Variants in OLA1 observed in about 807,000 individuals in gnomAD.
OLA1 encodes the protein Obg like ATPase 1, also known as obg-like ATPase 1.
A neutral mutation model predicts 48.4 loss-of-function variants in OLA1; 14 were observed. The observed-to-expected ratio is 0.29, with a 90% CI of 0.19 to 0.45. The LOEUF is 0.45. OLA1 is among the 20% of genes least tolerant of loss of function. OLA1 has a pLI of 1.00. For synonymous variants in OLA1, 127 were observed against 150.4 expected (o/e 0.84, Z 1.14); for missense variants, 325 against 467.1 (o/e 0.70, Z 2.80).
intron 2 of OLA1, among the ~76,000 whole-genome samples, chr2:174,238,494 CA>C (rs34395720): frequency 0.57 from 60,025 of 106,166 alleles, 14,284 homozygotes; most frequent in South Asian, 0.65. Flanking sequence ...ACTCTATGTC[CA>C]AAAAAAAAAA....
chr2:174,195,117 T>C (rs1687855907), intron 4 of OLA1, among the ~76,000 whole-genome samples: 1 of 152,138 alleles, frequency 6.6e-6, no homozygotes, highest in Admixed American at 6.5e-5. Flanking sequence ...TCTAAGAATA[T>C]TTCCTCAGGT....
chr2:174,241,019 A>T (rs201950610), intron 2 of OLA1, among the ~76,000 whole-genome samples: 1 of 152,192 alleles, frequency 6.6e-6, no homozygotes, highest in East Asian at 1.9e-4. Flanking sequence ...CTTGACCAAA[A>T]GATTTCTGTG....
At position 174,073,437 on chromosome 2, in the gene OLA1, A is replaced by T. The variant is rs1365173953; in HGVS notation, c.*1989T>A. 5 of 152,232 alleles carry T rather than the reference A, an allele frequency of 3.3e-5. No individual in the cohort carries two copies. Among genetic ancestry groups the T allele is most frequent in the African/African-American group, 1.2e-4 (5 of 41,470 alleles). 9.4% of individuals were successfully genotyped at this position (152,232 alleles called of 1,614,324 possible). On this transcript the variant is annotated 3_prime_UTR_variant, in exon 11 of 11. Coordinates refer to ENST00000284719, the MANE Select transcript of OLA1 (RefSeq NM_013341.5). ...ACGTTTAGATATAGGCATATATATG[A>T]TTATATGTAACAGTTCTTGGAATTC...
chr2:174,116,938 G>T (rs893041375), intron 7 of OLA1, among the ~76,000 whole-genome samples: 10 of 152,128 alleles, frequency 6.6e-5, no homozygotes, highest in Non-Finnish European at 1.5e-5. Flanking sequence ...ACTGTAACAT[G>T]ATTTTACATA....
At chr2:174,199,340 A>G (rs1687941968) in intron 4 of OLA1, among the ~76,000 whole-genome samples, 1 of 152,172 alleles carries the variant, frequency 6.6e-6, no homozygotes, top group African/African-American at 2.4e-5. Context: ...ACCCAAAAAC[A>G]TTCCCATGTT....
At chr2:174,084,401 G>A (rs1258262733) in intron 7 of OLA1, among the ~76,000 whole-genome samples, 1 of 152,196 alleles carries the variant, frequency 6.6e-6, no homozygotes, top group Admixed American at 6.5e-5. Flanking sequence ...AGAAAACACA[G>A]GGAAGATGAA....
At chr2:174,097,349 A>G (rs1685280509) in intron 7 of OLA1, among the ~76,000 whole-genome samples, 1 of 152,212 alleles carries the variant, frequency 6.6e-6, no homozygotes, top group South Asian at 2.1e-4. Flanking sequence ...ACTTTGAAAA[A>G]GGAGTGTAGG....
intron 4 of OLA1, among the ~76,000 whole-genome samples, chr2:174,216,996 G>T (rs1461948422): frequency 6.6e-6 from 1 of 152,076 alleles, no homozygotes; most frequent in African/African-American, 2.4e-5. Flanking sequence ...TAAGTTTTTG[G>T]GGAGTTAAAA....
intron 7 of OLA1, among the ~76,000 whole-genome samples, chr2:174,110,287 T>G (rs2105358475): frequency 6.7e-6 from 1 of 149,364 alleles, no homozygotes; most frequent in East Asian, 2.0e-4. Context: ...TACAGGCATG[T>G]GCCACCATGC....
At chr2:174,123,906 C>T (rs1164708967) in intron 5 of OLA1, among the ~76,000 whole-genome samples, 2 of 151,978 alleles carry the variant, frequency 1.3e-5, no homozygotes, top group Admixed American at 1.3e-4. Flanking sequence ...AAATTAGTAA[C>T]AGCCTGAAAA....
rs117956105 is a variant in OLA1 at position 174,136,434 on chromosome 2, C to T, written c.549+5391G>A. ...CCATCTCAAGAAACCACTTTCTTTG[C>T]TCACCCATAACAGGCAACTTCTCAT... On this transcript the variant is annotated intron_variant, in intron 5 of 10. Transcript: ENST00000284719. Among the ~76,000 whole-genome samples the T allele has an allele frequency of 2.4e-4, 36 of 152,292 alleles. No homozygotes were observed. In the East Asian group the frequency reaches 6.4e-3, roughly 27 times the overall value.
At chr2:174,090,369 C>T (rs1685086293) in intron 7 of OLA1, among the ~76,000 whole-genome samples, 1 of 152,050 alleles carries the variant, frequency 6.6e-6, no homozygotes, top group Non-Finnish European at 1.5e-5. Flanking sequence ...AAAGGCTCCA[C>T]TTAAAAAAAG....
chr2:174,219,654 T>C (rs1458862533), intron 4 of OLA1, among the ~76,000 whole-genome samples: 1 of 151,996 alleles, frequency 6.6e-6, no homozygotes, highest in African/African-American at 2.4e-5. Context: ...GGTCTTGAAC[T>C]CAAGCAATCT....
At chr2:174,168,529 G>A (rs1159156454) in intron 4 of OLA1, among the ~76,000 whole-genome samples, 1 of 152,070 alleles carries the variant, frequency 6.6e-6, no homozygotes, top group Non-Finnish European at 1.5e-5. Context: ...GAAAACAAGT[G>A]AGATTGAATT....
chr2:174,121,008 ATG>A (rs903535058), intron 7 of OLA1, among the ~76,000 whole-genome samples: 1 of 152,224 alleles, frequency 6.6e-6, no homozygotes, highest in Non-Finnish European at 1.5e-5. Context: ...AATAATGCAA[ATG>A]GAGCTTAGAT....
At chr2:174,178,902 T>G (rs1351816114) in intron 4 of OLA1, among the ~76,000 whole-genome samples, 1 of 151,908 alleles carries the variant, frequency 6.6e-6, no homozygotes, top group Non-Finnish European at 1.5e-5. Context: ...GCATTACCTT[T>G]TATTTGCAAA....
At chr2:174,111,780 G>C (rs1558958976) in intron 7 of OLA1, among the ~76,000 whole-genome samples, 1 of 152,124 alleles carries the variant, frequency 6.6e-6, no homozygotes, top group African/African-American at 2.4e-5. Context: ...TAGTGAAAAT[G>C]CAAGGAAACA....
At position 174,195,057 on chromosome 2, in the gene OLA1, C is replaced by T. The variant is rs140208400; in HGVS notation, c.373+27976G>A. 4.8e-3 allele frequency among the ~76,000 whole-genome samples: 724 copies of T among 152,252 alleles called. 4 individuals are homozygous for T. The highest frequency in any genetic ancestry group is 0.017 in the African/African-American group (701 of 41,558). ...AGTTAAACATCCTATCTGAATCCTG[C>T]TGTGCTTCAGCCTTCATCTGAATTT... On this transcript the variant is annotated intron_variant, in intron 4 of 10. Coordinates refer to ENST00000284719, the MANE Select transcript of OLA1 (RefSeq NM_013341.5).
rs1686254968 is a variant in OLA1 at position 174,134,468 on chromosome 2, T to C, written c.549+7357A>G. 3.9e-5 allele frequency among the ~76,000 whole-genome samples: 6 copies of C among 152,196 alleles called. No individual in the cohort carries two copies. In the South Asian group the frequency reaches 1.2e-3, roughly 32 times the overall value. On this transcript the variant is annotated intron_variant, in intron 5 of 10. Coordinates refer to ENST00000284719, the MANE Select transcript of OLA1 (RefSeq NM_013341.5). ...ACATTCTTCTAGTTATTCTGAAATA[T>C]AATCTTTGTCTTTTATTGCAGTATT...
Sources: gnomAD v4.1 joint callset for allele counts (sites outside exome capture counted in the v4.1 genomes callset) on GRCh38, gnomAD v4.1.1 for gene constraint, MANE v1.5 for transcripts, NCBI Gene and HGNC (gene_info 2026-07-23, HGNC 2026-07-21) for gene names.